The following CAPN8 variants were observed in gnomAD, a reference collection of about 807,000 sequenced individuals.
CAPN8 encodes calpain-8.
A neutral mutation model predicts 80.9 loss-of-function variants in CAPN8; 87 were observed. The ratio of observed to expected loss-of-function variants is 1.07; its 90% CI spans 0.90 to 1.28. The LOEUF (loss-of-function observed/expected upper bound fraction) is 1.28. Among genes scored for constraint, CAPN8 ranks in the 50% most tolerant of loss-of-function variants. CAPN8 has a pLI of 0.00. For missense variants in CAPN8, 757 were observed against 702.0 expected (o/e 1.08, Z -0.89); for synonymous variants, 299 against 273.8 (o/e 1.09, Z -0.91).
chr1:223,551,377 G>A (rs34244999), intron 14 of CAPN8, among the ~76,000 whole-genome samples: 37,312 of 152,080 alleles, frequency 0.25, 4,630 homozygotes, highest in East Asian at 0.31. Flanking sequence ...TCCTGACATC[G>A]TGATCTGCCC....
intron 9 of CAPN8, chr1:223,617,573 T>A (rs1657237963): frequency 6.6e-6 from 1 of 152,220 alleles, no homozygotes; most frequent in Admixed American, 6.5e-5. Flanking sequence ...CCATGCAAAT[T>A]TCCTCCACAT....
chr1:223,552,803 G>A (rs1312895104), intron 14 of CAPN8, among the ~76,000 whole-genome samples: 1 of 152,148 alleles, frequency 6.6e-6, no homozygotes, highest in African/African-American at 2.4e-5. Context: ...AGAAAGGTAA[G>A]ATAAAGTGCA....
intron 10 of CAPN8, among the ~76,000 whole-genome samples, chr1:223,613,728 T>A (rs186153732): frequency 1.5e-4 from 23 of 152,338 alleles, no homozygotes; most frequent in Admixed American, 1.2e-3. Flanking sequence ...TGGAGGCACC[T>A]GGCTGCTTCT....
intron 10 of CAPN8, among the ~76,000 whole-genome samples, chr1:223,613,477 A>T (rs1657087585): frequency 6.6e-6 from 1 of 152,150 alleles, no homozygotes; most frequent in Non-Finnish European, 1.5e-5. Context: ...TATGCTCCAG[A>T]TCCACCCTAC....
chr1:223,662,841 C>T (rs1658683131), intron 1 of CAPN8, among the ~76,000 whole-genome samples: 1 of 152,156 alleles, frequency 6.6e-6, no homozygotes, highest in South Asian at 2.1e-4. Flanking sequence ...GCATTCAATG[C>T]ATGTTCCTCA....
intron 10 of CAPN8, among the ~76,000 whole-genome samples, chr1:223,615,253 C>A (rs1239655484): frequency 1.3e-5 from 2 of 152,156 alleles, no homozygotes; most frequent in Non-Finnish European, 2.9e-5. Context: ...AAATGGCCAC[C>A]ATGAGCCCCG....
At chr1:223,651,909 G>T (rs1013799188) in intron 2 of CAPN8, among the ~76,000 whole-genome samples, 10 of 152,226 alleles carry the variant, frequency 6.6e-5, no homozygotes, top group African/African-American at 2.4e-4. Context: ...ACTTAGATTT[G>T]CTTGAATTTG....
At chr1:223,660,035 G>A (rs1460172769) in intron 1 of CAPN8, among the ~76,000 whole-genome samples, 1 of 152,168 alleles carries the variant, frequency 6.6e-6, no homozygotes, top group Non-Finnish European at 1.5e-5. Flanking sequence ...GAAAACTCCA[G>A]ATTCACTCCA....
chr1:223,621,101 G>A (rs894082002), intron 7 of CAPN8, among the ~76,000 whole-genome samples: 4 of 152,024 alleles, frequency 2.6e-5, no homozygotes, highest in African/African-American at 9.7e-5. Context: ...GGGTCAGCAC[G>A]ACAATTCCCA....
At chr1:223,613,765 ATCCAAAC>A (rs1657095883) in intron 10 of CAPN8, among the ~76,000 whole-genome samples, 2 of 152,238 alleles carry the variant, frequency 1.3e-5, no homozygotes, top group African/African-American at 4.8e-5. Context: ...TTCATCCTCA[ATCCAAAC>A]TCCAGTTAAA....
intron 2 of CAPN8, among the ~76,000 whole-genome samples, chr1:223,650,619 G>A (rs1432522215): frequency 6.6e-6 from 1 of 152,206 alleles, no homozygotes; most frequent in African/African-American, 2.4e-5. Context: ...ACAGAGAAGA[G>A]AGATGGGCAG....
At chr1:223,641,821 G>A (rs1658049851) in intron 2 of CAPN8, among the ~76,000 whole-genome samples, 1 of 152,182 alleles carries the variant, frequency 6.6e-6, no homozygotes, top group African/African-American at 2.4e-5. Context: ...GTTCTCCGCT[G>A]TTTCCTGGCA....
chr1:223,625,396 T>C (rs1214924739), intron 6 of CAPN8, among the ~76,000 whole-genome samples: 1 of 152,262 alleles, frequency 6.6e-6, no homozygotes, highest in Non-Finnish European at 1.5e-5. Context: ...AGAGGTTACG[T>C]TGTCCATCTT....
intron 1 of CAPN8, among the ~76,000 whole-genome samples, chr1:223,655,023 G>A (rs138235446): frequency 6.6e-6 from 1 of 151,990 alleles, no homozygotes; most frequent in African/African-American, 2.4e-5. Context: ...GTGTGGTGTG[G>A]GTGTGTGGGT....
chr1:223,633,449 G>A (rs1657830087), intron 2 of CAPN8, among the ~76,000 whole-genome samples: 3 of 151,664 alleles, frequency 2.0e-5, no homozygotes, highest in African/African-American at 7.2e-5. Context: ...ATCACTTGAG[G>A]TCAGGAGTTC....
chr1:223,663,573 C>T (rs1287013125), intron 1 of CAPN8, among the ~76,000 whole-genome samples: 2 of 152,200 alleles, frequency 1.3e-5, no homozygotes, highest in Admixed American at 6.5e-5. Flanking sequence ...ACCACCTTTC[C>T]AATCAGTGCA....
At position 223,665,387 on chromosome 1, in the gene CAPN8, C is replaced by T. The variant is rs373270738; in HGVS notation, c.237+23G>A. On this transcript the variant is annotated intron_variant, in intron 1 of 20. Coordinates refer to ENST00000366872, the MANE Select transcript of CAPN8 (RefSeq NM_001143962.2). Reference sequence around the variant, plus strand: ...AGGCCCCTCCACCTTGTATGTCACTCAACAGCAAGCCCGCTTCCTTACCGT... The same window carrying T: ...AGGCCCCTCCACCTTGTATGTCACTTAACAGCAAGCCCGCTTCCTTACCGT... The T allele has an allele frequency of 9.7e-6, 15 of 1,542,518 alleles. No homozygotes were observed. In the African/African-American group the frequency reaches 1.9e-4, roughly 20 times the overall value.
intron 2 of CAPN8, among the ~76,000 whole-genome samples, chr1:223,633,405 A>AAG (rs1657828514): frequency 1.3e-5 from 2 of 151,912 alleles, no homozygotes; most frequent in Non-Finnish European, 2.9e-5. Context: ...AAAAAAAAAA[A>AAG]AAAGAAATGT....
intron 13 of CAPN8, among the ~76,000 whole-genome samples, chr1:223,556,935 G>A (rs1656918711): frequency 1.3e-5 from 2 of 152,222 alleles, no homozygotes; most frequent in South Asian, 4.2e-4. Context: ...AGCAACTGAG[G>A]CGAGGGGTAG....
Sources: allele counts gnomAD v4.1 joint callset (sites outside exome capture counted in the v4.1 genomes callset), GRCh38; gene constraint gnomAD v4.1.1; transcripts MANE v1.5; gene names NCBI Gene and HGNC (gene_info 2026-07-23, HGNC 2026-07-21).